Variants in STRBP observed in about 807,000 individuals in gnomAD.
STRBP encodes spermatid perinuclear RNA-binding protein.
A neutral mutation model predicts 80.1 loss-of-function variants in STRBP; 13 were observed. The observed-to-expected ratio is 0.16, with a 90% confidence interval of 0.11 to 0.26. The LOEUF is 0.26. Ranked by LOEUF, STRBP falls within the 10% of genes least tolerant of loss-of-function variation. The pLI is 1.00. For synonymous variants in STRBP, 284 were observed against 291.2 expected (o/e 0.98, Z 0.25); for missense variants, 485 against 815.2 (o/e 0.59, Z 4.93).
At chr9:123,197,082 GCAA>G (rs1185337326) in intron 2 of STRBP, among the ~76,000 whole-genome samples, 9 of 152,160 alleles carry the variant, frequency 5.9e-5, no homozygotes, top group African/African-American at 1.9e-4. Context: ...CTTGTTACTT[GCAA>G]CAACAACATG....
intron 2 of STRBP, among the ~76,000 whole-genome samples, chr9:123,186,900 T>C (rs529591724): frequency 1.3e-5 from 2 of 151,978 alleles, no homozygotes; most frequent in Admixed American, 6.6e-5. Flanking sequence ...CTAACTTTGC[T>C]AGTTAATAGC....
intron 1 of STRBP, among the ~76,000 whole-genome samples, chr9:123,237,717 T>C (rs76656324): frequency 0.017 from 2,597 of 152,230 alleles, 75 homozygotes; most frequent in African/African-American, 0.059. Flanking sequence ...CCATTGTATT[T>C]CAGGGCTCTA....
intron 2 of STRBP, among the ~76,000 whole-genome samples, chr9:123,199,437 G>A (rs771293456): frequency 2.0e-5 from 3 of 152,120 alleles, no homozygotes; most frequent in Non-Finnish European, 4.4e-5. Context: ...GTATTTTGAT[G>A]GGAAGTGCAT....
At position 123,132,955 on chromosome 9, in the gene STRBP, A is replaced by G. The variant is rs779216787; in HGVS notation, c.1787T>C (p.Val596Ala). 1.2e-6 allele frequency: 2 copies of G among 1,613,556 alleles called. No homozygotes were observed. Among genetic ancestry groups the G allele is most frequent in the South Asian group, 2.2e-5 (2 of 90,930 alleles). The change falls in exon 17 of 19, where the codon GTG (valine) becomes GCG (alanine). Residue 596 changes from valine to alanine, a missense_variant. By Grantham distance (64) the Val-to-Ala change is moderately conservative. Coordinates refer to ENST00000348403, the MANE Select transcript of STRBP (RefSeq NM_018387.5). ...KKIIPQAKGV[V>A]NTAVSAAVQA... is the part of the protein sequence containing the mutation. The stretch of plus-strand genomic sequence containing the variant: ...GACTGCTGCAGACACAGCTGTATTC[A>G]CAACGCCCTTTGCCTGTTAAAATAA...
intron 2 of STRBP, among the ~76,000 whole-genome samples, chr9:123,225,227 G>T (rs548279503): frequency 4.6e-5 from 7 of 152,194 alleles, no homozygotes; most frequent in Admixed American, 2.0e-4. Context: ...TCTGGGTACC[G>T]GTTATAAGGA....
intron 13 of STRBP, among the ~76,000 whole-genome samples, chr9:123,143,261 GA>G (rs1192536886): frequency 1.3e-5 from 2 of 152,192 alleles, no homozygotes; most frequent in Admixed American, 1.3e-4. Context: ...TAATATGGAT[GA>G]TTATGACCCT....
At chr9:123,135,816 A>C (rs1432716645) in intron 16 of STRBP, 9 of 396,408 alleles carry the variant, frequency 2.3e-5, no homozygotes, top group Non-Finnish European at 3.2e-5. Context: ...TATACATATA[A>C]ATATAAATAT....
intron 8 of STRBP, 57 bp downstream of exon 8, chr9:123,160,310 C>G: frequency 7.8e-7 from 1 of 1,289,132 alleles, no homozygotes; most frequent in African/African-American, 1.5e-5. Flanking sequence ...CTCATTTCTA[C>G]AGGATTTTCT....
intron 2 of STRBP, among the ~76,000 whole-genome samples, chr9:123,196,397 C>G (rs2039091853): frequency 6.6e-6 from 1 of 152,100 alleles, no homozygotes; most frequent in Non-Finnish European, 1.5e-5. Context: ...TGAAAAGCTT[C>G]TGCAAAGCAA....
downstream of STRBP, among the ~76,000 whole-genome samples, chr9:123,119,248 G>A (rs1165244360): frequency 6.6e-6 from 1 of 152,112 alleles, no homozygotes; most frequent in Non-Finnish European, 1.5e-5. Context: ...GGTAAGCCCT[G>A]AAGGTTAGAT....
At chr9:123,173,926 T>C in intron 4 of STRBP, 84 bp from the exon 5 acceptor site, 1 of 1,406,566 alleles carries the variant, frequency 7.1e-7, no homozygotes, top group Non-Finnish European at 9.6e-7. Flanking sequence ...CTGAATACTC[T>C]TACAAACTGA....
chr9:123,204,471 A>C (rs1424792499), intron 2 of STRBP, among the ~76,000 whole-genome samples: 1 of 152,222 alleles, frequency 6.6e-6, no homozygotes, highest in Non-Finnish European at 1.5e-5. Context: ...ATCAAACATG[A>C]AATAGCACCA....
Position 123,193,013 on chromosome 9 carries a change from C to T in STRBP, c.-164-8715G>A, listed in dbSNP as rs996338586. Among the ~76,000 whole-genome samples, 7 of 152,142 alleles carry T rather than the reference C, an allele frequency of 4.6e-5. No homozygotes were observed. In the South Asian group the frequency reaches 8.3e-4, roughly 18 times the overall value. On this transcript the variant is annotated intron_variant, in intron 2 of 18. Transcript: ENST00000348403. The stretch of plus-strand genomic sequence containing the variant: ...GTGCTACCGCTAAGCTTGAGTTAAA[C>T]GATTCCCTTACCTGGACTGCAGCCA...
chr9:123,215,336 C>T (rs2039860800), intron 2 of STRBP, among the ~76,000 whole-genome samples: 1 of 152,162 alleles, frequency 6.6e-6, no homozygotes, highest in Admixed American at 6.6e-5. Context: ...GGATTATAGG[C>T]ATGAGCCACT....
chr9:123,205,475 A>C (rs553419819), intron 2 of STRBP, among the ~76,000 whole-genome samples: 1 of 152,330 alleles, frequency 6.6e-6, no homozygotes, highest in Non-Finnish European at 1.5e-5. Context: ...TATTTCTCTT[A>C]ATGAGGTAAG....
At chr9:123,259,417 TGA>T in intron 1 of STRBP, among the ~76,000 whole-genome samples, 1 of 152,218 alleles carries the variant, frequency 6.6e-6, no homozygotes, top group African/African-American at 2.4e-5. Flanking sequence ...GATAAAAATT[TGA>T]GAGTCAGCCA....
In STRBP at chr9:123,160,440, G is replaced by A; in HGVS notation, c.650C>T (p.Ser217Leu). 6.2e-7 allele frequency: 1 copy of A among 1,601,966 alleles called. No individual in the cohort carries two copies. Among genetic ancestry groups the A allele is most frequent in the Non-Finnish European group, 8.5e-7 (1 of 1,171,690 alleles). The change falls in exon 8 of 19, where the codon TCA (serine) becomes TTA (leucine). Residue 217 changes from serine to leucine, a missense_variant. Physicochemically the swap from Ser to Leu is moderately radical, Grantham distance 145. Around this residue, in one of 3 missense-constraint regions of STRBP, gnomAD observed 377 missense variants for 616.1 expected, o/e 0.61. Coordinates refer to ENST00000348403, the MANE Select transcript of STRBP (RefSeq NM_018387.5). ...WFQARANGLK[S>L]CVIVLRILRD... is the part of the protein sequence containing the mutation. ...CAGAATGCGGAGGACAATTACACAT[G>A]ATTTTAATCCATTTGCCCTTGCCTA... is the stretch of plus-strand genomic sequence containing the variant.
chr9:123,187,747 C>T (rs368504069), intron 2 of STRBP, among the ~76,000 whole-genome samples: 1 of 147,666 alleles, frequency 6.8e-6, no homozygotes, highest in Non-Finnish European at 1.5e-5. Flanking sequence ...TATACCTCTT[C>T]TCCCCACCAC....
intron 4 of STRBP, among the ~76,000 whole-genome samples, chr9:123,174,085 C>A (rs1164926825): frequency 6.6e-6 from 1 of 152,166 alleles, no homozygotes; most frequent in East Asian, 1.9e-4. Flanking sequence ...ATTTATATTG[C>A]TTAAGAAAAC....
Sources: gnomAD v4.1 joint callset for allele counts (sites outside exome capture counted in the v4.1 genomes callset) on GRCh38, gnomAD v4.1.1 for gene constraint, gnomAD v4.1.1 regional missense constraint, MANE v1.5 for transcripts, NCBI Gene and HGNC (gene_info 2026-07-23, HGNC 2026-07-21) for gene names.